TMTC1: variants seen among roughly 807,000 people sequenced by gnomAD.
The protein encoded by TMTC1 is protein O-mannosyl-transferase TMTC1.
A neutral mutation model predicts 104.8 loss-of-function variants in TMTC1; 73 were observed. The observed-to-expected ratio is 0.70, with a 90% CI of 0.58 to 0.85. The LOEUF (loss-of-function observed/expected upper bound fraction) is 0.85, where lower values mean the gene tolerates loss of function less well. Among genes scored for constraint, TMTC1 ranks in the 40% least tolerant of loss-of-function variants. The pLI, the probability that TMTC1 is intolerant of heterozygous loss-of-function variation, is 0.00. For missense variants in TMTC1, 1,035 were observed against 1,096.1 expected (o/e 0.94, Z 0.79); for synonymous variants, 434 against 428.7 (o/e 1.01, Z -0.15).
chr12:29,580,813 A>G (rs1375893164), intron 8 of TMTC1, among the ~76,000 whole-genome samples: 1 of 152,162 alleles, frequency 6.6e-6, no homozygotes, highest in African/African-American at 2.4e-5. Flanking sequence ...CTGTACTTAT[A>G]TAGTGTTCTG....
rs545116305 is a variant in TMTC1 at position 29,730,296 on chromosome 12, G to T, written c.938+21370C>A. Among the ~76,000 whole-genome samples the T allele has an allele frequency of 5.9e-5, 9 of 152,288 alleles. No homozygotes were observed. The East Asian group carries it at 1.3e-3, about 23-fold the overall frequency. On this transcript the variant is annotated intron_variant, in intron 5 of 17. Transcript: ENST00000539277. ...CAGCTGCCAAAGAACTACACCACAG[G>T]TGAATATTCATGCTTGTGCTTTTTT...
intron 10 of TMTC1, among the ~76,000 whole-genome samples, chr12:29,550,254 T>A (rs1391217448): frequency 1.3e-5 from 2 of 152,096 alleles, no homozygotes; most frequent in African/African-American, 4.8e-5. Flanking sequence ...TTGGTAAAAG[T>A]GTGAAAGAGT....
At chr12:29,738,383 G>A (rs1254607774) in intron 5 of TMTC1, among the ~76,000 whole-genome samples, 1 of 152,110 alleles carries the variant, frequency 6.6e-6, no homozygotes, top group Non-Finnish European at 1.5e-5. Flanking sequence ...CGTGAATACC[G>A]AACTTTGTTT....
chr12:29,546,575 T>C (rs1592210128), intron 10 of TMTC1, among the ~76,000 whole-genome samples: 1 of 152,304 alleles, frequency 6.6e-6, no homozygotes, highest in South Asian at 2.1e-4. Flanking sequence ...TTTTTAGATT[T>C]AAAAGCCTTT....
intron 13 of TMTC1, among the ~76,000 whole-genome samples, chr12:29,517,850 G>A (rs1224981905): frequency 6.6e-6 from 1 of 152,118 alleles, no homozygotes; most frequent in Non-Finnish European, 1.5e-5. Context: ...GAGTAGCAGG[G>A]ATTACAGGTG....
At chr12:29,558,366 A>G (rs79701547) in intron 9 of TMTC1, among the ~76,000 whole-genome samples, 1 of 152,204 alleles carries the variant, frequency 6.6e-6, no homozygotes, top group African/African-American at 2.4e-5. Context: ...TAAGAAGATC[A>G]GTTTAATTCT....
intron 5 of TMTC1, among the ~76,000 whole-genome samples, chr12:29,679,982 G>A (rs1280098174): frequency 6.6e-6 from 1 of 151,964 alleles, no homozygotes; most frequent in Admixed American, 6.6e-5. Flanking sequence ...AAAACAAAAA[G>A]AATTATTAAA....
At chr12:29,746,580 G>A (rs1335501837) in intron 5 of TMTC1, among the ~76,000 whole-genome samples, 1 of 152,088 alleles carries the variant, frequency 6.6e-6, no homozygotes, top group African/African-American at 2.4e-5. Flanking sequence ...ACGATGAAAG[G>A]TCTACAGCAA....
intron 8 of TMTC1, among the ~76,000 whole-genome samples, 165 bp from the exon 9 acceptor site, chr12:29,572,383 T>G (rs1945703801): frequency 6.6e-6 from 1 of 152,234 alleles, no homozygotes; most frequent in African/African-American, 2.4e-5. Flanking sequence ...ATTATATAAT[T>G]TACTAAACGT....
At chr12:29,719,739 T>C (rs1942183291) in intron 5 of TMTC1, among the ~76,000 whole-genome samples, 1 of 152,256 alleles carries the variant, frequency 6.6e-6, no homozygotes, top group Admixed American at 6.5e-5. Context: ...AATGCTTTCA[T>C]AGTCCTTTTA....
chr12:29,589,877 C>T (rs1029132498), intron 7 of TMTC1, among the ~76,000 whole-genome samples: 2 of 152,172 alleles, frequency 1.3e-5, no homozygotes, highest in African/African-American at 2.4e-5. Context: ...TTTTAAACCT[C>T]ATTATCCTCC....
intron 1 of TMTC1, among the ~76,000 whole-genome samples, chr12:29,769,377 C>T (rs1297433495): frequency 1.3e-5 from 2 of 152,162 alleles, no homozygotes; most frequent in African/African-American, 4.8e-5. Flanking sequence ...TGTTGGCAGA[C>T]TCATGAGTCT....
At chr12:29,585,914 A>C (rs906905307) in intron 7 of TMTC1, among the ~76,000 whole-genome samples, 3 of 152,024 alleles carry the variant, frequency 2.0e-5, no homozygotes, top group African/African-American at 7.2e-5. Context: ...ACTGACTTGG[A>C]AATGTGGGCT....
At chr12:29,540,765 C>A (rs1301652077) in intron 10 of TMTC1, among the ~76,000 whole-genome samples, 1 of 152,068 alleles carries the variant, frequency 6.6e-6, no homozygotes, top group African/African-American at 2.4e-5. Flanking sequence ...GAGGCCGAGG[C>A]AGGTGGATCA....
At chr12:29,625,487 C>T (rs1937937810) in intron 6 of TMTC1, among the ~76,000 whole-genome samples, 1 of 152,278 alleles carries the variant, frequency 6.6e-6, no homozygotes, top group South Asian at 2.1e-4. Flanking sequence ...GTGTAAGTGG[C>T]CAAGAATTGC....
chr12:29,782,205 G>A (rs574629108), intron 1 of TMTC1, among the ~76,000 whole-genome samples: 1 of 152,340 alleles, frequency 6.6e-6, no homozygotes, highest in South Asian at 2.1e-4. Flanking sequence ...AACTTTCTAA[G>A]AGAACAAATG....
At chr12:29,629,448 T>C (rs191658615) in intron 6 of TMTC1, among the ~76,000 whole-genome samples, 283 of 152,280 alleles carry the variant, frequency 1.9e-3, no homozygotes, top group African/African-American at 6.5e-3. Flanking sequence ...CCCTAAAATG[T>C]ACAAAAGCAA....
At chr12:29,713,018 A>G (rs557054336) in intron 5 of TMTC1, among the ~76,000 whole-genome samples, 6 of 152,024 alleles carry the variant, frequency 3.9e-5, no homozygotes, top group Admixed American at 1.3e-4. Context: ...CAGTAGATGG[A>G]GTGAAATGGT....
chr12:29,699,664 T>C (rs1051421522), intron 5 of TMTC1, among the ~76,000 whole-genome samples: 11 of 146,996 alleles, frequency 7.5e-5, no homozygotes, highest in Non-Finnish European at 1.3e-4. Context: ...TTTTTTTTTT[T>C]TTTTTTTTTT....
Sources: allele counts gnomAD v4.1 joint callset (sites outside exome capture counted in the v4.1 genomes callset), GRCh38; gene constraint gnomAD v4.1.1; transcripts MANE v1.5; gene names NCBI Gene and HGNC (gene_info 2026-07-23, HGNC 2026-07-21).